NCKAP1: variants seen among roughly 807,000 people sequenced by gnomAD.
The protein encoded by NCKAP1 is nck-associated protein 1.
A neutral mutation model predicts 151.2 loss-of-function variants in NCKAP1; 21 were observed. The observed-to-expected ratio is 0.14, with a 90% CI of 0.10 to 0.20. The LOEUF (loss-of-function observed/expected upper bound fraction) is 0.20. Ranked by LOEUF, NCKAP1 falls within the 10% of genes least tolerant of loss-of-function variation. The pLI is 1.00. For synonymous variants in NCKAP1, 484 were observed against 451.8 expected, an observed-to-expected ratio of 1.07 and a Z score of -0.90; for missense variants, 933 against 1,352.1, an observed-to-expected ratio of 0.69 and a Z score of 4.86.
chr2:182,989,227 A>G (rs751445659), intron 8 of NCKAP1, 41 bp from the exon 9 acceptor site: 2 of 1,500,542 alleles, frequency 1.3e-6, no homozygotes, highest in East Asian at 4.5e-5. Context: ...TAAATGTACA[A>G]GTATTCCAAA....
intron 3 of NCKAP1, 83 bp downstream of exon 3, chr2:183,003,150 A>G: frequency 2.4e-6 from 3 of 1,234,998 alleles, no homozygotes; most frequent in African/African-American, 3.1e-5. Flanking sequence ...TTTATTATTT[A>G]CAACTGACAC....
intron 12 of NCKAP1, among the ~76,000 whole-genome samples, chr2:182,982,519 T>A (rs1167550786): frequency 6.6e-6 from 1 of 152,192 alleles, no homozygotes; most frequent in African/African-American, 2.4e-5. Context: ...GGCAGTATGA[T>A]ACTCTCTCAT....
At chr2:183,019,448 A>G (rs187285030) in intron 2 of NCKAP1, among the ~76,000 whole-genome samples, 2 of 152,304 alleles carry the variant, frequency 1.3e-5, no homozygotes, top group Non-Finnish European at 2.9e-5. Context: ...TGAGCCAAAT[A>G]ATTTGTATGT....
intron 24 of NCKAP1, 117 bp from the exon 25 acceptor site, chr2:182,935,492 C>A (rs979834962): frequency 5.4e-6 from 3 of 558,786 alleles, no homozygotes; most frequent in South Asian, 2.9e-5. Flanking sequence ...ATAAAAGGCA[C>A]AATTAACAGT....
In NCKAP1 at chr2:182,925,674, C is replaced by T. The variant is rs370261738; in HGVS notation, c.*28G>A. On this transcript the variant is annotated 3_prime_UTR_variant, in exon 31 of 31. Transcript: ENST00000361354. ...AGGTAAAACCAAGGCAACAAAAATG[C>T]GTGCTTATCTTGATTAAGTAGGTAA... 30 of 1,366,958 alleles carry T rather than the reference C, an allele frequency of 2.2e-5. 1 individual carries two copies. In the South Asian group the frequency reaches 2.4e-4, roughly 11 times the overall value. 84.7% of individuals were successfully genotyped at this position (1,366,958 alleles called of 1,614,324 possible).
chr2:182,977,403 T>C (rs1314844710), intron 14 of NCKAP1, among the ~76,000 whole-genome samples: 1 of 152,100 alleles, frequency 6.6e-6, no homozygotes, highest in Admixed American at 6.5e-5. Flanking sequence ...GGTGGGACAA[T>C]TGCTTGAACC....
chr2:183,036,474 TCA>T (rs1412913882), intron 1 of NCKAP1, among the ~76,000 whole-genome samples: 1 of 152,182 alleles, frequency 6.6e-6, no homozygotes, highest in African/African-American at 2.4e-5. Flanking sequence ...CCCGAACAGT[TCA>T]GGTCAATGCA....
chr2:183,021,521 A>C (rs1698797565), intron 2 of NCKAP1, among the ~76,000 whole-genome samples: 1 of 152,170 alleles, frequency 6.6e-6, no homozygotes, highest in Non-Finnish European at 1.5e-5. Context: ...TAAGATGAGA[A>C]CATCATTTTG....
intron 2 of NCKAP1, among the ~76,000 whole-genome samples, chr2:183,018,572 A>T (rs1698738888): frequency 6.6e-6 from 1 of 152,214 alleles, no homozygotes; most frequent in South Asian, 2.1e-4. Context: ...TTATGTTTTT[A>T]GGAGTTGAGA....
At chr2:183,026,193 G>A (rs183635926) in intron 1 of NCKAP1, among the ~76,000 whole-genome samples, 154 of 152,276 alleles carry the variant, frequency 1.0e-3, no homozygotes, top group Middle Eastern at 6.8e-3. Flanking sequence ...TGTAATTCCA[G>A]AAATGGGGGC....
intron 15 of NCKAP1, among the ~76,000 whole-genome samples, chr2:182,969,521 G>A (rs894573205): frequency 6.7e-6 from 1 of 149,932 alleles, no homozygotes; most frequent in African/African-American, 2.5e-5. Flanking sequence ...TTTAACTTCG[G>A]AAACTAACAT....
chr2:182,994,270 G>C (rs762812979), intron 8 of NCKAP1, among the ~76,000 whole-genome samples: 2 of 152,156 alleles, frequency 1.3e-5, no homozygotes, highest in Non-Finnish European at 2.9e-5. Context: ...GAGCCTTGGA[G>C]TTAGGCTGGG....
At chr2:183,025,146 T>A in intron 1 of NCKAP1, 1 of 713,330 alleles carries the variant, frequency 1.4e-6, no homozygotes, top group South Asian at 2.0e-5. Flanking sequence ...TTTAAAGGTA[T>A]TCTAAGTAGC....
intron 15 of NCKAP1, among the ~76,000 whole-genome samples, chr2:182,972,759 G>A (rs1697727413): frequency 1.3e-5 from 2 of 152,242 alleles, no homozygotes; most frequent in South Asian, 4.1e-4. Context: ...AACATAGACG[G>A]AACTGGAAGA....
rs1277083705 is a variant in NCKAP1, at chr2:182,924,967, T to C, written c.*735A>G. The C allele has an allele frequency of 6.6e-6, 1 of 152,074 alleles. No individual in the cohort carries two copies. The highest frequency in any genetic ancestry group is 1.5e-5 in the Non-Finnish European group (1 of 67,974). 9.4% of individuals were successfully genotyped at this position (152,074 alleles called of 1,614,324 possible). A position where few individuals can be genotyped will look rare whatever the true frequency, so the allele number is the denominator to read the frequency against. On this transcript the variant is annotated 3_prime_UTR_variant, in exon 31 of 31. Coordinates refer to ENST00000361354, the MANE Select transcript of NCKAP1 (RefSeq NM_013436.5). The stretch of plus-strand genomic sequence containing the variant: ...AATTTAAAACATATATAAAAAGTGG[T>C]TAGGGACTAACATTTGTATCAACAG...
Position 182,917,746 on chromosome 2 carries a change from C to T in NCKAP1, c.*7956G>A, listed in dbSNP as rs145641083. 1 of 152,284 alleles carries T rather than the reference C, an allele frequency of 6.6e-6. No homozygotes were observed. Among genetic ancestry groups the T allele is most frequent in the Non-Finnish European group, 1.5e-5 (1 of 68,018 alleles). The allele number at this position is 152,284 out of a possible 1,614,324, so 9.4% of individuals were successfully genotyped here. ...TTTTTGTTAACATAGAGAGTAAGTA[C>T]TGTGTGAGCTTGAGATTTAAAACTA... On this transcript the variant is annotated 3_prime_UTR_variant, in exon 31 of 31. Transcript: ENST00000361354.
chr2:182,928,217 T>C lies in NCKAP1; in HGVS notation c.3080A>G (p.Asn1027Ser). ...QYSPAIEGHC[N>S]NIHCLAKAIN... ...GGCTTTGGCCAAGCAATGTATGTTG[T>C]TGCAATGCCCTGAGAAAATGCAAAT... Residue 1027 changes from asparagine (N) to serine (S), a missense_variant, in exon 29 of 31, where the codon AAC becomes AGC. Coordinates refer to ENST00000361354, the MANE Select transcript of NCKAP1 (RefSeq NM_013436.5). 6.2e-7 allele frequency: 1 copy of C among 1,609,850 alleles called. No homozygotes were observed. Among genetic ancestry groups the C allele is most frequent in the Non-Finnish European group, 8.5e-7 (1 of 1,177,594 alleles).
At chr2:182,935,179 C>T in intron 25 of NCKAP1, 114 bp downstream of exon 25, 2 of 793,122 alleles carry the variant, frequency 2.5e-6, no homozygotes, top group Non-Finnish European at 2.0e-6. Context: ...ACTACTAAAA[C>T]TGGAATTTTA....
rs970968031 is a variant in NCKAP1, at chr2:182,922,602, C to T, written c.*3100G>A. On this transcript the variant is annotated 3_prime_UTR_variant, in exon 31 of 31. Transcript: ENST00000361354. ...ACTTGTGGTTCCTTCTAATCCTTCA[C>T]GTACCAGCTCAAATGTTTTCTCTTA... 5 of 152,360 alleles carry T rather than the reference C, an allele frequency of 3.3e-5. No homozygotes were observed. Among genetic ancestry groups the T allele is most frequent in the East Asian group, 3.9e-4 (2 of 5,184 alleles). The allele number at this position is 152,360 out of a possible 1,614,324, so 9.4% of individuals were successfully genotyped here.
Sources: gnomAD v4.1 joint callset for allele counts (sites outside exome capture counted in the v4.1 genomes callset) on GRCh38, gnomAD v4.1.1 for gene constraint, MANE v1.5 for transcripts, NCBI Gene and HGNC (gene_info 2026-07-23, HGNC 2026-07-21) for gene names.